AJAP1: variants seen among roughly 807,000 people sequenced by gnomAD.
AJAP1 encodes adherens junction-associated protein 1.
A neutral mutation model predicts 35.0 loss-of-function variants in AJAP1; 5 were observed. That is an observed-to-expected ratio of 0.14 (90% confidence interval 0.07 to 0.30). The LOEUF (loss-of-function observed/expected upper bound fraction) is 0.30, where lower values mean the gene tolerates loss of function less well. Ranked by LOEUF, AJAP1 falls within the 10% of genes least tolerant of loss-of-function variation. AJAP1 has a pLI of 1.00. For missense variants in AJAP1, 586 were observed against 571.0 expected (o/e 1.03, Z -0.27); for synonymous variants, 284 against 249.3 (o/e 1.14, Z -1.31).
chr1:4,741,610 T>C (rs1180717615), intron 2 of AJAP1, among the ~76,000 whole-genome samples: 1 of 152,198 alleles, frequency 6.6e-6, no homozygotes, highest in African/African-American at 2.4e-5. Flanking sequence ...CACAGAGGTG[T>C]CAGTATAAAC....
chr1:4,769,339 C>A (rs1570220176), intron 2 of AJAP1, among the ~76,000 whole-genome samples: 1 of 152,142 alleles, frequency 6.6e-6, no homozygotes, highest in Non-Finnish European at 1.5e-5. Context: ...TTTTTACCTC[C>A]CCAATATGTA....
chr1:4,673,348 C>T (rs937872271), intron 1 of AJAP1, among the ~76,000 whole-genome samples: 1 of 152,234 alleles, frequency 6.6e-6, no homozygotes, highest in Non-Finnish European at 1.5e-5. Flanking sequence ...AGTGTTCTCA[C>T]ACTTTCTCAT....
At chr1:4,702,615 T>G (rs961974558) in intron 1 of AJAP1, among the ~76,000 whole-genome samples, 86 of 152,294 alleles carry the variant, frequency 5.6e-4, no homozygotes, top group African/African-American at 7.7e-4. Flanking sequence ...CCCTTCCGTC[T>G]GGGGCGTCCT....
At chr1:4,688,768 T>C (rs1384798456) in intron 1 of AJAP1, among the ~76,000 whole-genome samples, 1 of 72,574 alleles carries the variant, frequency 1.4e-5, no homozygotes, top group Non-Finnish European at 2.4e-5. Context: ...TGAGACTCCG[T>C]CTCAAAAAAA....
chr1:4,695,166 A>T (rs9970616), intron 1 of AJAP1, among the ~76,000 whole-genome samples: 1 of 151,998 alleles, frequency 6.6e-6, no homozygotes, highest in Admixed American at 6.6e-5. Flanking sequence ...GGGAGTGGCC[A>T]TGTAGGGACT....
chr1:4,753,258 T>G (rs1489711301), intron 2 of AJAP1, among the ~76,000 whole-genome samples: 2 of 152,196 alleles, frequency 1.3e-5, no homozygotes, highest in African/African-American at 2.4e-5. Flanking sequence ...TCTTTGATTC[T>G]TCTCCAGCCC....
intron 1 of AJAP1, among the ~76,000 whole-genome samples, chr1:4,681,159 C>G (rs1639472990): frequency 6.6e-6 from 1 of 152,228 alleles, no homozygotes; most frequent in Non-Finnish European, 1.5e-5. Context: ...GGACAAACAT[C>G]AAGTGTTATT....
At chr1:4,753,185 A>C (rs1641358111) in intron 2 of AJAP1, among the ~76,000 whole-genome samples, 1 of 152,166 alleles carries the variant, frequency 6.6e-6, no homozygotes, top group Admixed American at 6.5e-5. Flanking sequence ...CATCCCCAAC[A>C]TGGAAAATAG....
chr1:4,674,321 A>C (rs931716446), intron 1 of AJAP1, among the ~76,000 whole-genome samples: 1 of 152,142 alleles, frequency 6.6e-6, no homozygotes, highest in East Asian at 1.9e-4. Flanking sequence ...ATCACAGCCC[A>C]CGGCTGCCTG....
intron 2 of AJAP1, among the ~76,000 whole-genome samples, chr1:4,760,704 A>G (rs1641545942): frequency 6.6e-6 from 1 of 152,214 alleles, no homozygotes. Context: ...AACCCATTTC[A>G]TAGTCATTAT....
chr1:4,769,701 G>T, intron 2 of AJAP1, 152 bp from the exon 3 acceptor site: 1 of 710,678 alleles, frequency 1.4e-6, no homozygotes, highest in South Asian at 1.6e-5. Flanking sequence ...GGAGAGAACT[G>T]AGCACCTGTC....
At chr1:4,731,789 A>G (rs1364017285) in intron 2 of AJAP1, among the ~76,000 whole-genome samples, 2 of 152,218 alleles carry the variant, frequency 1.3e-5, no homozygotes, top group Non-Finnish European at 2.9e-5. Flanking sequence ...TTTCTGGAGA[A>G]AAGTTCAGGC....
intron 5 of AJAP1, chr1:4,777,820 C>A (rs1388519939): frequency 6.6e-6 from 1 of 152,158 alleles, no homozygotes; most frequent in Non-Finnish European, 1.5e-5. Flanking sequence ...CTTTGTTCTT[C>A]CAAAATATAC....
Position 4,712,308 on chromosome 1 carries a change from G to T in AJAP1, c.438G>T (p.Pro146=). Residue 146 remains proline, a synonymous_variant, in exon 2 of 6, where the codon CCG becomes CCT. Coordinates refer to ENST00000378191, the MANE Select transcript of AJAP1 (RefSeq NM_018836.4). ...SSSSAVAGGA[P]EQQALLRRGK... The stretch of plus-strand genomic sequence containing the variant: ...CCTCCGCGGTGGCCGGTGGGGCCCC[G>T]GAGCAGCAGGCCCTCCTGAGGAGGG... 6.7e-7 allele frequency: 1 copy of T among 1,488,218 alleles called. No individual in the cohort carries two copies. 92.2% of individuals were successfully genotyped at this position (1,488,218 alleles called of 1,614,324 possible). A position where few individuals can be genotyped will look rare whatever the true frequency, so the allele number is the denominator to read the frequency against.
Position 4,655,538 on chromosome 1 carries a change from A to C in AJAP1, c.29+84A>C. On this transcript the variant is annotated intron_variant, in intron 1 of 5. Transcript: ENST00000378191. This position sits in a 1 kb window ranked among gnomAD's most constrained non-coding sequence, Gnocchi z 6.9. Reference sequence around the variant, plus strand: ...AGCGGCGCTTTCCTCTATGTTGCAAATCAAGGGACCCCTCTTCGCTTCCCG... The same window carrying C: ...AGCGGCGCTTTCCTCTATGTTGCAACTCAAGGGACCCCTCTTCGCTTCCCG... The C allele has an allele frequency of 6.8e-7, 1 of 1,473,646 alleles. No homozygotes were observed. Among genetic ancestry groups the C allele is most frequent in the Non-Finnish European group, 9.2e-7 (1 of 1,089,582 alleles). 91.3% of individuals were successfully genotyped at this position (1,473,646 alleles called of 1,614,324 possible).
At chr1:4,760,301 A>AT (rs1011073286) in intron 2 of AJAP1, among the ~76,000 whole-genome samples, 21 of 150,930 alleles carry the variant, frequency 1.4e-4, no homozygotes, top group African/African-American at 5.1e-4. Context: ...ATGTGCGGGC[A>AT]TGAGTGTGTA....
intron 2 of AJAP1, among the ~76,000 whole-genome samples, chr1:4,760,508 G>T (rs1165125005): frequency 1.3e-5 from 2 of 152,150 alleles, no homozygotes; most frequent in Admixed American, 1.3e-4. Context: ...TCCGGAGAAG[G>T]TGCTGCTGCC....
At chr1:4,722,968 A>G (rs76096164) in intron 2 of AJAP1, among the ~76,000 whole-genome samples, 6,661 of 152,130 alleles carry the variant, frequency 0.044, 257 homozygotes, top group Non-Finnish European at 0.061. Context: ...CATGGGATAC[A>G]CTGAAGAGTG....
At chr1:4,670,476 G>C (rs976940729) in intron 1 of AJAP1, among the ~76,000 whole-genome samples, 1 of 152,166 alleles carries the variant, frequency 6.6e-6, no homozygotes, top group African/African-American at 2.4e-5. Flanking sequence ...CATCAGCCCT[G>C]ACCCACAGTA....
Sources: gnomAD v4.1 joint callset for allele counts (sites outside exome capture counted in the v4.1 genomes callset) on GRCh38, gnomAD v4.1.1 for gene constraint, Gnocchi (gnomAD v3.1) non-coding constraint, MANE v1.5 for transcripts, NCBI Gene and HGNC (gene_info 2026-07-23, HGNC 2026-07-21) for gene names.